JAZF1: variants seen among roughly 807,000 people sequenced by gnomAD.
JAZF1 encodes the protein juxtaposed with another zinc finger protein 1.
Under a neutral mutation model 26.4 loss-of-function variants are expected in JAZF1, and 8 were observed. That is an observed-to-expected ratio of 0.30 (90% CI 0.18 to 0.55). The LOEUF (loss-of-function observed/expected upper bound fraction) is 0.55. Ranked by LOEUF, JAZF1 falls within the 20% of genes least tolerant of loss-of-function variation. The pLI is 0.94. For missense variants in JAZF1, 199 were observed against 322.0 expected (o/e 0.62, Z 2.92); for synonymous variants, 126 against 122.3 (o/e 1.03, Z -0.20).
chr7:27,894,938 C>T (rs1000176528), intron 3 of JAZF1, among the ~76,000 whole-genome samples: 10 of 151,858 alleles, frequency 6.6e-5, no homozygotes, highest in African/African-American at 2.4e-4. Context: ...TTACAGAGCC[C>T]ATTAAAAATG....
intron 2 of JAZF1, among the ~76,000 whole-genome samples, chr7:27,908,306 A>G (rs1784297977): frequency 6.6e-6 from 1 of 152,200 alleles, no homozygotes; most frequent in Admixed American, 6.5e-5. Flanking sequence ...CTTTTTCTTA[A>G]ATGAAGTACT....
intron 1 of JAZF1, among the ~76,000 whole-genome samples, chr7:28,174,433 C>T (rs1277304054): frequency 6.6e-6 from 1 of 152,190 alleles, no homozygotes; most frequent in East Asian, 1.9e-4. Context: ...TCACTGTCAC[C>T]TACGGGAAGA....
At chr7:28,116,669 C>G (rs901936032) in intron 1 of JAZF1, among the ~76,000 whole-genome samples, 1 of 152,010 alleles carries the variant, frequency 6.6e-6, no homozygotes, top group African/African-American at 2.4e-5. Context: ...GTCTCAAACT[C>G]GAACTCCTGA....
chr7:28,083,751 G>C (rs576256020), intron 1 of JAZF1, among the ~76,000 whole-genome samples: 2 of 152,040 alleles, frequency 1.3e-5, no homozygotes, highest in Admixed American at 6.5e-5. Context: ...TCAAGGAAAA[G>C]CCTTGTCCGC....
At chr7:27,925,981 T>G (rs968338980) in intron 2 of JAZF1, among the ~76,000 whole-genome samples, 2 of 152,176 alleles carry the variant, frequency 1.3e-5, no homozygotes, top group Non-Finnish European at 1.5e-5. Flanking sequence ...TATGCAGAGC[T>G]GAATACTTGG....
At chr7:27,834,570 G>T (rs1380416000) in intron 4 of JAZF1, among the ~76,000 whole-genome samples, 2 of 152,218 alleles carry the variant, frequency 1.3e-5, no homozygotes, top group African/African-American at 4.8e-5. Context: ...TTGTTAAGAG[G>T]CATGTTGGGG....
intron 1 of JAZF1, among the ~76,000 whole-genome samples, chr7:28,178,896 T>C (rs149831621): frequency 2.0e-3 from 304 of 152,306 alleles, no homozygotes; most frequent in African/African-American, 7.1e-3. Context: ...CTGAAAGACA[T>C]TTTGTAGACG....
intron 3 of JAZF1, chr7:27,843,907 TAAAC>T (rs1456490887): frequency 6.6e-6 from 1 of 152,344 alleles, no homozygotes; most frequent in East Asian, 1.9e-4. Context: ...GGTAAGAAAA[TAAAC>T]AAAATGCTAT....
intron 1 of JAZF1, among the ~76,000 whole-genome samples, chr7:28,058,535 C>A (rs1000510593): frequency 6.6e-6 from 1 of 152,164 alleles, no homozygotes; most frequent in Admixed American, 6.5e-5. Flanking sequence ...CTGGGAAACA[C>A]AGTTCCTAGT....
intron 2 of JAZF1, among the ~76,000 whole-genome samples, chr7:27,898,283 A>G (rs913613993): frequency 3.6e-5 from 2 of 55,512 alleles, no homozygotes; most frequent in African/African-American, 1.2e-4. Flanking sequence ...TCTACGTCTA[A>G]CTCATATATA....
At chr7:27,927,146 G>A (rs1275840892) in intron 2 of JAZF1, among the ~76,000 whole-genome samples, 6 of 152,202 alleles carry the variant, frequency 3.9e-5, no homozygotes, top group Non-Finnish European at 8.8e-5. Flanking sequence ...AGCCGAGGAT[G>A]CACAGGAGAT....
intron 2 of JAZF1, among the ~76,000 whole-genome samples, chr7:27,905,985 C>G (rs1784249404): frequency 6.6e-6 from 1 of 152,160 alleles, no homozygotes. Context: ...ATACTGTTTA[C>G]AATTATTCTC....
chr7:27,893,435 C>T (rs751520846), intron 3 of JAZF1, among the ~76,000 whole-genome samples: 1 of 152,182 alleles, frequency 6.6e-6, no homozygotes, highest in Non-Finnish European at 1.5e-5. Flanking sequence ...GCCCTAGTCC[C>T]CGCCTACCTC....
intron 2 of JAZF1, among the ~76,000 whole-genome samples, chr7:27,918,236 T>G (rs1784474956): frequency 6.6e-6 from 1 of 152,214 alleles, no homozygotes; most frequent in Non-Finnish European, 1.5e-5. Context: ...ACTTTTATAC[T>G]GCACTTTAAT....
At chr7:27,983,906 ATT>A (rs2128362952) in intron 2 of JAZF1, among the ~76,000 whole-genome samples, 1 of 152,348 alleles carries the variant, frequency 6.6e-6, no homozygotes, top group South Asian at 2.1e-4. Flanking sequence ...ATGCTGAGAG[ATT>A]TTGTCACCAC....
At chr7:28,033,989 T>C (rs555964176) in intron 1 of JAZF1, among the ~76,000 whole-genome samples, 261 of 152,278 alleles carry the variant, frequency 1.7e-3, no homozygotes, top group African/African-American at 6.0e-3. Flanking sequence ...GTGATCCACC[T>C]GCCTCGGCCT....
chr7:28,131,235 A>C (rs1782788240), intron 1 of JAZF1, among the ~76,000 whole-genome samples: 1 of 152,186 alleles, frequency 6.6e-6, no homozygotes, highest in Non-Finnish European at 1.5e-5. Context: ...CCCTCAATGC[A>C]ATATGATTGA....
At chr7:27,858,287 G>A (rs564093432) in intron 3 of JAZF1, among the ~76,000 whole-genome samples, 5 of 152,248 alleles carry the variant, frequency 3.3e-5, no homozygotes, top group South Asian at 2.1e-4. Context: ...AATCAATATC[G>A]TGAAAATGGC....
At chr7:28,071,710 T>C (rs997277119) in intron 1 of JAZF1, 66 of 454,306 alleles carry the variant, frequency 1.5e-4, no homozygotes, top group African/African-American at 1.3e-3. Context: ...ATGACAAAAA[T>C]ATGCTTGGTT....
Sources: gnomAD v4.1 joint callset for allele counts (sites outside exome capture counted in the v4.1 genomes callset) on GRCh38, gnomAD v4.1.1 for gene constraint, MANE v1.5 for transcripts, NCBI Gene and HGNC (gene_info 2026-07-23, HGNC 2026-07-21) for gene names.